Variants in PGM3 observed in about 807,000 individuals in gnomAD.
PGM3 encodes phosphoacetylglucosamine mutase.
Under a neutral mutation model 66.2 loss-of-function variants are expected in PGM3, and 40 were observed. That is an observed-to-expected ratio of 0.60 (90% confidence interval 0.47 to 0.79). PGM3 has a LOEUF of 0.79. Among genes scored for constraint, PGM3 ranks in the 30% least tolerant of loss-of-function variants. The probability of loss-of-function intolerance (pLI) is 0.00; values close to 1 mark genes in which losing one functional copy is unlikely to be tolerated. For missense variants in PGM3, 537 were observed against 643.4 expected (o/e 0.83, Z 1.79); for synonymous variants, 191 against 224.2 (o/e 0.85, Z 1.32).
chr6:83,167,137 C>G lies in PGM3; in HGVS notation c.*2097G>C. On this transcript the variant is annotated 3_prime_UTR_variant, in exon 13 of 13. Coordinates refer to ENST00000513973, the MANE Select transcript of PGM3 (RefSeq NM_015599.3). ...TTTCACATACCTTCTCATTTGACTT[C>G]TCTACTAAAAGGTAGTTTTAGACTG... 1.1e-6 allele frequency: 1 copy of G among 938,870 alleles called. No homozygotes were observed. The highest frequency in any genetic ancestry group is 1.3e-6 in the Non-Finnish European group (1 of 787,498). 58.2% of individuals were successfully genotyped at this position (938,870 alleles called of 1,614,324 possible). A position where few individuals can be genotyped will look rare whatever the true frequency, so the allele number is the denominator to read the frequency against.
At chr6:83,189,297 CA>C in intron 2 of PGM3, among the ~76,000 whole-genome samples, 1 of 152,280 alleles carries the variant, frequency 6.6e-6, no homozygotes, top group African/African-American at 2.4e-5. Context: ...GCTTGTCAAC[CA>C]GCGGGTAGGA....
At chr6:83,155,769 C>G in the PGM3 span, among the ~76,000 whole-genome samples, 1 of 152,342 alleles carries the variant, frequency 6.6e-6, no homozygotes, top group South Asian at 2.1e-4. Context: ...CCATTTTGGT[C>G]CTCTGGCTTA....
intron 6 of PGM3, among the ~76,000 whole-genome samples, chr6:83,180,387 A>C (rs1030398774): frequency 6.6e-6 from 1 of 152,208 alleles, no homozygotes; most frequent in Admixed American, 6.5e-5. Context: ...TGTTCATACC[A>C]CCAATAAAAA....
At chr6:83,151,810 A>T in the PGM3 span, 2 of 1,485,118 alleles carry the variant, frequency 1.3e-6, no homozygotes, top group East Asian at 2.3e-5. Flanking sequence ...ATTATCAGAA[A>T]TATAAACTAC....
intron 6 of PGM3, among the ~76,000 whole-genome samples, chr6:83,181,535 T>C (rs1788175350): frequency 6.6e-6 from 1 of 152,130 alleles, no homozygotes; most frequent in African/African-American, 2.4e-5. Flanking sequence ...CTGTAGACTA[T>C]GAGGAATGGT....
intron 9 of PGM3, among the ~76,000 whole-genome samples, 193 bp downstream of exon 9, chr6:83,175,769 A>C (rs181103282): frequency 9.2e-4 from 140 of 152,378 alleles, no homozygotes; most frequent in African/African-American, 2.9e-3. Context: ...TCACATTCAA[A>C]GAAGAATCAT....
Position 83,169,213 on chromosome 6 carries a change from T to A in PGM3, c.*21A>T. On this transcript the variant is annotated 3_prime_UTR_variant, in exon 13 of 13. Coordinates refer to ENST00000513973, the MANE Select transcript of PGM3 (RefSeq NM_015599.3). ...AAAGACTTGTAAAAAGTCCAGTTTC[T>A]CAGGAATATGAAAATTATCTTCAGA... is the stretch of plus-strand genomic sequence containing the variant. 1 of 1,613,606 alleles carries A rather than the reference T, an allele frequency of 6.2e-7. No homozygotes were observed. The highest frequency in any genetic ancestry group is 8.5e-7 in the Non-Finnish European group (1 of 1,179,756).
the PGM3 span, chr6:83,156,106 A>T: frequency 6.2e-7 from 1 of 1,601,746 alleles, no homozygotes; most frequent in South Asian, 1.1e-5. Flanking sequence ...TATACAAGGT[A>T]AAAAATGAAA....
chr6:83,164,771 T>G, downstream of PGM3: 2 of 1,477,996 alleles, frequency 1.4e-6, no homozygotes, highest in Non-Finnish European at 1.8e-6. Flanking sequence ...TTGCCAAATA[T>G]TGAGACACAA....
downstream of PGM3, chr6:83,157,211 C>G (rs1309256026): frequency 1.2e-6 from 2 of 1,613,628 alleles, no homozygotes; most frequent in Admixed American, 1.7e-5. Context: ...CCGTTTGCCA[C>G]AGGTGCCAAC....
At chr6:83,154,008 C>T in the PGM3 span, 14 of 1,614,074 alleles carry the variant, frequency 8.7e-6, no homozygotes, top group Non-Finnish European at 9.3e-6. Context: ...TTATGGATCC[C>T]AGTTTCTTTC....
downstream of PGM3, among the ~76,000 whole-genome samples, chr6:83,160,337 G>A (rs1007157973): frequency 1.3e-5 from 2 of 152,362 alleles, no homozygotes; most frequent in Middle Eastern, 3.4e-3. Context: ...TTAACCTGAG[G>A]TGGTGAAGAA....
chr6:83,160,392 C>G (rs377053185), downstream of PGM3, among the ~76,000 whole-genome samples: 5 of 152,168 alleles, frequency 3.3e-5, no homozygotes, highest in Admixed American at 6.5e-5. Flanking sequence ...AGACATGATA[C>G]GTCTGAAGTG....
In PGM3 at chr6:83,181,845, G is replaced by A. The variant is rs776470455; in HGVS notation, c.678C>T (p.His226=). ...GAACTGACAGGCCCTGTGAGAAGTAGTGTTCCATTTCCCTTAGCTTCAGGG... is the reference window on the plus strand; with the variant it reads ...GAACTGACAGGCCCTGTGAGAAGTAATGTTCCATTTCCCTTAGCTTCAGGG... ...IGALKLREME[H]YFSQGLSVQL... Residue 226 remains histidine (H), a synonymous_variant, in exon 6 of 13, where the codon CAC becomes CAT. Coordinates refer to ENST00000513973, the MANE Select transcript of PGM3 (RefSeq NM_015599.3). 4 of 1,613,930 alleles carry A rather than the reference G, an allele frequency of 2.5e-6. No homozygotes were observed. In the South Asian group the frequency reaches 3.3e-5, roughly 13 times the overall value.
At position 83,179,967 on chromosome 6, in the gene PGM3, C is replaced by A; in HGVS notation, c.788G>T (p.Gly263Val). 1 of 1,604,674 alleles carries A rather than the reference C, an allele frequency of 6.2e-7. No individual in the cohort carries two copies. The highest frequency in any genetic ancestry group is 1.1e-5 in the South Asian group (1 of 89,390). Reference protein sequence around the residue: ...FVKSHQKPPQGMEIKSNERCC... With the variant: ...FVKSHQKPPQVMEIKSNERCC... ...TCTTTCATTGGACTTAATTTCCATT[C>A]CTAGCACACAGGATAATTTAACATG... Residue 263 changes from glycine (G) to valine (V), a missense_variant and splice_region_variant, in exon 7 of 13, where the codon GGA (glycine) becomes GTA (valine). Transcript: ENST00000513973.
chr6:83,191,017 A>G lies in PGM3; in HGVS notation c.-2-3T>C, dbSNP rs1789000800. On this transcript the variant is annotated splice_region_variant and splice_polypyrimidine_tract_variant and intron_variant, in intron 1 of 12. Coordinates refer to ENST00000513973, the MANE Select transcript of PGM3 (RefSeq NM_015599.3). ...TGTAATAGCACCTAAATCCATGTCT[A>G]CAAAATTAAGAAATATTGTTTCGGG... 6.8e-6 allele frequency: 11 copies of G among 1,611,726 alleles called. No homozygotes were observed. The highest frequency in any genetic ancestry group is 9.3e-6 in the Non-Finnish European group (11 of 1,177,840).
chr6:83,170,899 G>C (rs1476975101), intron 11 of PGM3: 1 of 158,570 alleles, frequency 6.3e-6, no homozygotes, highest in Non-Finnish European at 1.4e-5. Flanking sequence ...AAATTCTGTT[G>C]GTGAATGTGT....
At chr6:83,190,676 C>T in intron 2 of PGM3, 133 bp downstream of exon 2, 1 of 696,448 alleles carries the variant, frequency 1.4e-6, no homozygotes, top group Non-Finnish European at 2.5e-6. Flanking sequence ...AAAGTTGTTT[C>T]ACATCCAAAG....
intron 3 of PGM3, among the ~76,000 whole-genome samples, chr6:83,188,248 T>A (rs537896029): frequency 1.3e-5 from 2 of 152,200 alleles, no homozygotes; most frequent in South Asian, 4.1e-4. Context: ...TAACACAGAT[T>A]ACAAAGTAAA....
Sources: allele counts gnomAD v4.1 joint callset (sites outside exome capture counted in the v4.1 genomes callset), GRCh38; gene constraint gnomAD v4.1.1; transcripts MANE v1.5; gene names NCBI Gene and HGNC (gene_info 2026-07-23, HGNC 2026-07-21).